ARMH1: variants seen among roughly 807,000 people sequenced by gnomAD.
ARMH1 encodes armadillo-like helical domain containing protein 1.
In ARMH1, 34 loss-of-function variants were observed where a neutral mutation model predicts 50.2. The observed-to-expected ratio is 0.68, with a 90% CI of 0.51 to 0.90. The LOEUF (loss-of-function observed/expected upper bound fraction) is 0.90. Among genes scored for constraint, ARMH1 ranks in the 40% least tolerant of loss-of-function variants. ARMH1 has a pLI of 0.00. For synonymous variants in ARMH1, 221 were observed against 224.2 expected, an observed-to-expected ratio of 0.99 and a Z score of 0.13; for missense variants, 538 against 553.9, an observed-to-expected ratio of 0.97 and a Z score of 0.29.
At chr1:44,721,485 A>T (rs1647123767) in intron 6 of ARMH1, among the ~76,000 whole-genome samples, 1 of 152,100 alleles carries the variant, frequency 6.6e-6, no homozygotes, top group Non-Finnish European at 1.5e-5. Context: ...ATTATTAGAT[A>T]CAGACTGTCA....
At chr1:44,718,799 C>T (rs921114079) in intron 6 of ARMH1, among the ~76,000 whole-genome samples, 13 of 151,984 alleles carry the variant, frequency 8.6e-5, no homozygotes, top group African/African-American at 1.5e-4. Flanking sequence ...CCGAGGCAGG[C>T]GGATCACCTG....
chr1:44,706,015 A>C (rs1168549652), intron 6 of ARMH1, among the ~76,000 whole-genome samples: 1 of 152,186 alleles, frequency 6.6e-6, no homozygotes, highest in African/African-American at 2.4e-5. Context: ...GTCTATGTCT[A>C]GGAAAGGTAG....
intron 6 of ARMH1, among the ~76,000 whole-genome samples, chr1:44,719,537 C>T (rs530621662): frequency 2.6e-5 from 4 of 152,360 alleles, no homozygotes; most frequent in Non-Finnish European, 5.9e-5. Context: ...CTGCAGCACA[C>T]AGGATGTGGC....
intron 1 of ARMH1, among the ~76,000 whole-genome samples, chr1:44,685,717 T>C (rs1340561797): frequency 6.6e-6 from 1 of 151,624 alleles, no homozygotes; most frequent in East Asian, 1.9e-4. Flanking sequence ...AACCTCCACA[T>C]CCTGGGTTCA....
chr1:44,711,991 C>G (rs1044266256), intron 6 of ARMH1, among the ~76,000 whole-genome samples: 1 of 152,160 alleles, frequency 6.6e-6, no homozygotes, highest in Non-Finnish European at 1.5e-5. Context: ...TAGATCAAAC[C>G]CAGTCAGTCT....
At chr1:44,701,204 C>G in intron 5 of ARMH1, 85 bp downstream of exon 5, 1 of 1,324,368 alleles carries the variant, frequency 7.6e-7, no homozygotes, top group South Asian at 1.5e-5. Context: ...TCCACACAGG[C>G]ATGAGAAACG....
At position 44,698,214 on chromosome 1, in the gene ARMH1, A is replaced by G; in HGVS notation, c.427A>G (p.Ile143Val). The change falls in exon 4 of 12, where the codon ATT (isoleucine) becomes GTT (valine). Residue 143 changes from isoleucine to valine, a missense_variant. Ile to Val is a conservative substitution (Grantham distance 29). Transcript: ENST00000535358. Reference sequence around the variant, plus strand: ...CTCTGGCAGGACATACAAGGAACTCATTTGTGAAAGCTATGGTGGGTACTG... The same window carrying G: ...CTCTGGCAGGACATACAAGGAACTCGTTTGTGAAAGCTATGGTGGGTACTG... ...ANSGRTYKEL[I>V]CESYGVRSIA... 1 of 1,551,548 alleles carries G rather than the reference A, an allele frequency of 6.4e-7. No individual in the cohort carries two copies. The highest frequency in any genetic ancestry group is 1.7e-4 in the Middle Eastern group (1 of 5,994).
At chr1:44,709,766 G>A (rs558471521) in intron 6 of ARMH1, among the ~76,000 whole-genome samples, 2 of 152,098 alleles carry the variant, frequency 1.3e-5, no homozygotes, top group East Asian at 3.9e-4. Flanking sequence ...TGACCCAGGA[G>A]GCGGAGGTTG....
At chr1:44,680,968 C>T (rs1201785265) in intron 1 of ARMH1, among the ~76,000 whole-genome samples, 1 of 151,186 alleles carries the variant, frequency 6.6e-6, no homozygotes, top group Non-Finnish European at 1.5e-5. Flanking sequence ...CTGGTGCCCC[C>T]ACCTCCAATT....
At chr1:44,693,230 C>G (rs1573336063) in intron 2 of ARMH1, among the ~76,000 whole-genome samples, 1 of 152,300 alleles carries the variant, frequency 6.6e-6, no homozygotes, top group South Asian at 2.1e-4. Flanking sequence ...ACATTGCTGC[C>G]TATAACCTGG....
At chr1:44,720,613 G>A (rs573310241) in intron 6 of ARMH1, among the ~76,000 whole-genome samples, 4 of 152,272 alleles carry the variant, frequency 2.6e-5, no homozygotes, top group South Asian at 4.1e-4. Context: ...ACGGTGCTAC[G>A]GGTTCAGAGA....
In ARMH1 at chr1:44,724,147, C is replaced by T. The variant is rs1055037005; in HGVS notation, c.750C>T (p.Val250=). ...CCATCGAGTTGATCAAAGACCTGGT[C>T]GGTTACGATGTGCGCCAGGCGCTGC... ...YEAIELIKDL[V]GYDVRQALLK... is the part of the protein sequence containing the mutation. The change falls in exon 7 of 12, where the codon GTC becomes GTT. Residue 250 remains valine (V), a synonymous_variant. Coordinates refer to ENST00000535358, the MANE Select transcript of ARMH1 (RefSeq NM_001145636.2). The surrounding 1 kb of genome is among the most constrained non-coding windows in gnomAD (Gnocchi z 6.4). 1.3e-6 allele frequency: 2 copies of T among 1,551,550 alleles called. No individual in the cohort carries two copies. The highest frequency in any genetic ancestry group is 1.7e-6 in the Non-Finnish European group (2 of 1,146,968).
chr1:44,720,414 G>A (rs977241918), intron 6 of ARMH1, among the ~76,000 whole-genome samples: 6 of 152,076 alleles, frequency 3.9e-5, no homozygotes, highest in East Asian at 1.9e-4. Flanking sequence ...CCCAAGCCTC[G>A]CCTGTTGGAA....
Position 44,724,520 on chromosome 1 carries a change from G to T in ARMH1, c.921-19G>T. 1 of 1,505,534 alleles carries T rather than the reference G, an allele frequency of 6.6e-7. No homozygotes were observed. The highest frequency in any genetic ancestry group is 8.8e-7 in the Non-Finnish European group (1 of 1,130,938). The allele number at this position is 1,505,534 out of a possible 1,614,324, so 93.3% of individuals were successfully genotyped here. A position where few individuals can be genotyped will look rare whatever the true frequency, so the allele number is the denominator to read the frequency against. ...GGGTGAGCCCCAGGGCGTCGCCCCA[G>T]CCCGAACCCCCGGCCCAGGGTCCTG... On this transcript the variant is annotated intron_variant, in intron 8 of 11. Transcript: ENST00000535358. The surrounding 1 kb of genome is among the most constrained non-coding windows in gnomAD (Gnocchi z 6.4).
chr1:44,695,610 C>G (rs1202085703), intron 2 of ARMH1, among the ~76,000 whole-genome samples: 2 of 151,486 alleles, frequency 1.3e-5, no homozygotes, highest in Admixed American at 1.3e-4. Context: ...GGCAACATAG[C>G]AAAACTCCAT....
chr1:44,725,467 C>T lies in ARMH1; in HGVS notation c.*64C>T. The stretch of plus-strand genomic sequence containing the variant: ...GCAGGGAAGCCTGGCAAGAGGAAGG[C>T]GCCTGGGGTCAAGCTCAGAGCCACT... On this transcript the variant is annotated 3_prime_UTR_variant, in exon 12 of 12. Transcript: ENST00000535358. The T allele has an allele frequency of 6.7e-7, 1 of 1,492,730 alleles. No individual in the cohort carries two copies. Among genetic ancestry groups the T allele is most frequent in the South Asian group, 1.2e-5 (1 of 82,350 alleles). 92.5% of individuals were successfully genotyped at this position (1,492,730 alleles called of 1,614,324 possible).
intron 1 of ARMH1, among the ~76,000 whole-genome samples, chr1:44,680,609 A>G (rs1361572355): frequency 6.6e-6 from 1 of 152,124 alleles, no homozygotes; most frequent in Non-Finnish European, 1.5e-5. Flanking sequence ...TAGTTAGGAG[A>G]TGGCTTTGTT....
intron 1 of ARMH1, among the ~76,000 whole-genome samples, chr1:44,684,005 CAGAG>C (rs549354195): frequency 7.3e-5 from 11 of 150,440 alleles, no homozygotes; most frequent in East Asian, 1.9e-4. Flanking sequence ...AAAACAACCA[CAGAG>C]AGAGAGAGAG....
chr1:44,719,456 C>T lies in ARMH1; in HGVS notation c.725-4666C>T, dbSNP rs529393766. ...TTCCTGCCGAAGGGCACTCTGAGCCCTGGAGTGGAGAAGTCAGCTCCCCAT... is the reference window on the plus strand; with the variant it reads ...TTCCTGCCGAAGGGCACTCTGAGCCTTGGAGTGGAGAAGTCAGCTCCCCAT... On this transcript the variant is annotated intron_variant, in intron 6 of 11. Coordinates refer to ENST00000535358, the MANE Select transcript of ARMH1 (RefSeq NM_001145636.2). Among the ~76,000 whole-genome samples, 14 of 152,338 alleles carry T rather than the reference C, an allele frequency of 9.2e-5. No individual in the cohort carries two copies. In the South Asian group the frequency reaches 1.2e-3, roughly 14 times the overall value.
Sources: gnomAD v4.1 joint callset for allele counts (sites outside exome capture counted in the v4.1 genomes callset) on GRCh38, gnomAD v4.1.1 for gene constraint, Gnocchi (gnomAD v3.1) non-coding constraint, MANE v1.5 for transcripts, NCBI Gene and HGNC (gene_info 2026-07-23, HGNC 2026-07-21) for gene names.